GRIA1: variants seen among roughly 807,000 people sequenced by gnomAD.
GRIA1 encodes the protein glutamate receptor 1.
Under a neutral mutation model 99.2 loss-of-function variants are expected in GRIA1, and 31 were observed. The ratio of observed to expected loss-of-function variants is 0.31; its 90% confidence interval spans 0.23 to 0.42. The LOEUF (loss-of-function observed/expected upper bound fraction) is 0.42. Among genes scored for constraint, GRIA1 ranks in the 10% least tolerant of loss-of-function variants. The pLI is 1.00. For synonymous variants in GRIA1, 438 were observed against 432.4 expected (o/e 1.01, Z -0.16); for missense variants, 782 against 1,157.5 (o/e 0.68, Z 4.71).
At position 153,529,169 on chromosome 5, in the gene GRIA1, T is replaced by A. The variant is rs372076392; in HGVS notation, c.220+35104T>A. On this transcript the variant is annotated intron_variant, in intron 2 of 15. Transcript: ENST00000285900. ...ACTTCTGCTTCACAATAAGAGGCTA[T>A]CTGTGCTTGCGTTCCAGGGGGTGAG... 3.0e-4 allele frequency among the ~76,000 whole-genome samples: 45 copies of A among 152,348 alleles called. No homozygotes were observed. In the Middle Eastern group the frequency reaches 0.01, roughly 35 times the overall value.
chr5:153,520,592 A>T (rs1757047410), intron 2 of GRIA1, among the ~76,000 whole-genome samples: 1 of 152,192 alleles, frequency 6.6e-6, no homozygotes, highest in South Asian at 2.1e-4. Flanking sequence ...GGGAAGATGT[A>T]TACAAGCAAT....
intron 2 of GRIA1, among the ~76,000 whole-genome samples, chr5:153,612,921 G>GAA (rs1040189362): frequency 2.2e-3 from 309 of 141,664 alleles, no homozygotes; most frequent in African/African-American, 6.4e-3. Flanking sequence ...CACTCAGCTG[G>GAA]AAAAAAAAAA....
At chr5:153,568,436 T>C (rs1761839700) in intron 2 of GRIA1, among the ~76,000 whole-genome samples, 1 of 152,160 alleles carries the variant, frequency 6.6e-6, no homozygotes, top group Non-Finnish European at 1.5e-5. Flanking sequence ...ATGTTAAAGC[T>C]TGAGAAGCAC....
At chr5:153,635,531 G>C (rs967520623) in intron 2 of GRIA1, among the ~76,000 whole-genome samples, 2 of 152,154 alleles carry the variant, frequency 1.3e-5, no homozygotes, top group African/African-American at 4.8e-5. Flanking sequence ...CCACCTCCTA[G>C]CCCCAGATGA....
In GRIA1 at chr5:153,683,840, T is replaced by C. The variant is rs571460327; in HGVS notation, c.1030-2385T>C. The stretch of plus-strand genomic sequence containing the variant: ...TCCCAGACAATGTGCTAAGTACTTC[T>C]TGGAGGAGGAAACTAAGAAGCAGAT... On this transcript the variant is annotated intron_variant, in intron 7 of 15. Transcript: ENST00000285900. Among the ~76,000 whole-genome samples the C allele has an allele frequency of 2.0e-5, 3 of 152,284 alleles. No homozygotes were observed. In the South Asian group the frequency reaches 6.2e-4, roughly 32 times the overall value.
intron 15 of GRIA1, among the ~76,000 whole-genome samples, chr5:153,803,008 G>A (rs1339929120): frequency 6.6e-6 from 1 of 152,162 alleles, no homozygotes; most frequent in African/African-American, 2.4e-5. Context: ...CACATCAAAT[G>A]TAGCTAACGG....
intron 11 of GRIA1, among the ~76,000 whole-genome samples, chr5:153,757,053 A>G (rs1429482162): frequency 2.6e-4 from 40 of 152,206 alleles, no homozygotes; most frequent in South Asian, 4.1e-4. Flanking sequence ...AGGAAGCTCA[A>G]TGAATTTTAA....
intron 2 of GRIA1, among the ~76,000 whole-genome samples, chr5:153,514,173 T>C (rs1388938634): frequency 6.6e-6 from 1 of 152,252 alleles, no homozygotes; most frequent in Non-Finnish European, 1.5e-5. Flanking sequence ...GCAACCATTA[T>C]TGCCCATAAC....
chr5:153,594,504 C>T (rs1581287599), intron 2 of GRIA1, among the ~76,000 whole-genome samples: 1 of 152,000 alleles, frequency 6.6e-6, no homozygotes, highest in East Asian at 1.9e-4. Flanking sequence ...TTCATTATAG[C>T]ATTCTATTCA....
chr5:153,613,743 A>T lies in GRIA1; in HGVS notation c.221-33185A>T, dbSNP rs1039394136. 4.0e-5 allele frequency among the ~76,000 whole-genome samples: 6 copies of T among 151,886 alleles called. No individual in the cohort carries two copies. The South Asian group carries it at 8.3e-4, about 21-fold the overall frequency. ...TTTTTGTCAGCCATCATAGAATCTG[A>T]TATTCTTCAGCGTTAAAGGGGCTTG... On this transcript the variant is annotated intron_variant, in intron 2 of 15. Transcript: ENST00000285900.
At chr5:153,513,839 T>C (rs1352368137) in intron 2 of GRIA1, among the ~76,000 whole-genome samples, 1 of 152,236 alleles carries the variant, frequency 6.6e-6, no homozygotes, top group Non-Finnish European at 1.5e-5. Context: ...TATGTTTCAG[T>C]TTTTATAGCT....
chr5:153,676,353 A>G (rs1756584964), intron 6 of GRIA1, among the ~76,000 whole-genome samples: 1 of 152,104 alleles, frequency 6.6e-6, no homozygotes, highest in Non-Finnish European at 1.5e-5. Context: ...TGCTCTCCTG[A>G]TTTTGTTTCA....
intron 2 of GRIA1, among the ~76,000 whole-genome samples, chr5:153,592,584 A>T (rs1172190837): frequency 1.3e-5 from 2 of 152,244 alleles, no homozygotes; most frequent in African/African-American, 2.4e-5. Flanking sequence ...TCAAGTCATA[A>T]GACAAAATTC....
chr5:153,501,349 A>G (rs1754993596), intron 2 of GRIA1, among the ~76,000 whole-genome samples: 1 of 152,216 alleles, frequency 6.6e-6, no homozygotes, highest in Non-Finnish European at 1.5e-5. Flanking sequence ...AGAAAGGGCC[A>G]TGATTCTATG....
chr5:153,527,058 A>G (rs1163392223), intron 2 of GRIA1, among the ~76,000 whole-genome samples: 1 of 152,158 alleles, frequency 6.6e-6, no homozygotes, highest in Non-Finnish European at 1.5e-5. Context: ...GTGTGTAAAT[A>G]GTGAATCTGT....
intron 10 of GRIA1, among the ~76,000 whole-genome samples, chr5:153,700,874 A>G (rs1758464946): frequency 6.6e-6 from 1 of 152,196 alleles, no homozygotes; most frequent in South Asian, 2.1e-4. Flanking sequence ...TTCCTCAGGG[A>G]GGTAGCTTTT....
intron 1 of GRIA1, among the ~76,000 whole-genome samples, chr5:153,491,868 C>T (rs1561580688): frequency 6.6e-6 from 1 of 152,138 alleles, no homozygotes; most frequent in Non-Finnish European, 1.5e-5. Flanking sequence ...GCCCCGCCAC[C>T]CTCCCTGTAT....
chr5:153,797,112 G>C (rs1765699790), intron 14 of GRIA1, among the ~76,000 whole-genome samples: 1 of 152,160 alleles, frequency 6.6e-6, no homozygotes, highest in Non-Finnish European at 1.5e-5. Flanking sequence ...GAAAGCCCTT[G>C]AGACCAAGAG....
rs148961362 is a variant in GRIA1 at position 153,709,155 on chromosome 5, T to A, written c.1823+3088T>A. On this transcript the variant is annotated intron_variant, in intron 11 of 15. Transcript: ENST00000285900. The stretch of plus-strand genomic sequence containing the variant: ...CAGTAGAAACTTTTGTTGTCATTGT[T>A]GTTTATATATTTCCTGATGAAGTCA... 8.3e-3 allele frequency among the ~76,000 whole-genome samples: 1,272 copies of A among 152,372 alleles called. 7 individuals carry two copies. Among genetic ancestry groups the A allele is most frequent in the Middle Eastern group, 0.014 (4 of 294 alleles).
Sources: gnomAD v4.1 joint callset for allele counts (sites outside exome capture counted in the v4.1 genomes callset) on GRCh38, gnomAD v4.1.1 for gene constraint, MANE v1.5 for transcripts, NCBI Gene and HGNC (gene_info 2026-07-23, HGNC 2026-07-21) for gene names.